SUPT5H: variants seen among roughly 807,000 people sequenced by gnomAD.
The protein encoded by SUPT5H is SPT5 homolog, DSIF elongation factor subunit.
Under a neutral mutation model 142.5 loss-of-function variants are expected in SUPT5H, and 24 were observed. The ratio of observed to expected loss-of-function variants is 0.17; its 90% CI spans 0.12 to 0.24. The LOEUF (loss-of-function observed/expected upper bound fraction) is 0.24, where lower values mean the gene tolerates loss of function less well. Ranked by LOEUF, SUPT5H falls within the 10% of genes least tolerant of loss-of-function variation. The probability of loss-of-function intolerance (pLI) is 1.00; values close to 1 mark genes in which losing one functional copy is unlikely to be tolerated. For synonymous variants in SUPT5H, 546 were observed against 553.0 expected (o/e 0.99, Z 0.18); for missense variants, 893 against 1,471.8 (o/e 0.61, Z 6.43).
intron 3 of SUPT5H, among the ~76,000 whole-genome samples, chr19:39,454,562 G>A (rs1244124702): frequency 1.3e-5 from 2 of 151,306 alleles, no homozygotes; most frequent in African/African-American, 2.4e-5. Context: ...GGATGGTCTC[G>A]AACTCCTGAC....
rs1167478506 is a variant in SUPT5H at position 39,476,270 on chromosome 19, G to T, written c.3135G>T (p.Leu1045=). The change falls in exon 30 of 30, where the codon CTG becomes CTT. Residue 1045 remains leucine (L), a synonymous_variant. Transcript: ENST00000432763. The part of the protein sequence containing the change: ...PTKNNKVKVI[L]GEDREATGVL... Reference sequence around the variant, plus strand: ...CCCACCCCCAGGTGAAAGTGATCCTGGGCGAGGATCGGGAAGCCACGGGCG... The same window carrying T: ...CCCACCCCCAGGTGAAAGTGATCCTTGGCGAGGATCGGGAAGCCACGGGCG... 1.2e-5 allele frequency: 19 copies of T among 1,614,004 alleles called. No homozygotes were observed. Among genetic ancestry groups the T allele is most frequent in the African/African-American group, 2.7e-5 (2 of 74,882 alleles).
At chr19:39,454,225 G>T (rs2079056942) in intron 3 of SUPT5H, among the ~76,000 whole-genome samples, 1 of 152,152 alleles carries the variant, frequency 6.6e-6, no homozygotes, top group Non-Finnish European at 1.5e-5. Flanking sequence ...TCAATTCCAG[G>T]TTACTGAAAA....
In SUPT5H at chr19:39,476,288, C is replaced by T. The variant is rs758693667; in HGVS notation, c.3153C>T (p.Ala1051=). ...VKVILGEDRE[A]TGVLLSIDGE... ...TGATCCTGGGCGAGGATCGGGAAGC[C>T]ACGGGCGTCCTACTGAGCATTGATG... Residue 1051 remains alanine, a synonymous_variant, in exon 30 of 30, where the codon GCC becomes GCT. Transcript: ENST00000432763. 8.7e-6 allele frequency: 14 copies of T among 1,613,974 alleles called. No individual in the cohort carries two copies. The highest frequency in any genetic ancestry group is 7.6e-6 in the Non-Finnish European group (9 of 1,180,028).
intron 3 of SUPT5H, among the ~76,000 whole-genome samples, chr19:39,455,933 T>C (rs1351446828): frequency 6.8e-6 from 1 of 147,940 alleles, no homozygotes; most frequent in Non-Finnish European, 1.5e-5. Flanking sequence ...TTCTTTTTTT[T>C]TTTTTTTTTT....
Position 39,445,637 on chromosome 19 carries a change from G to A in SUPT5H, c.-88G>A, listed in dbSNP as rs945553139. ...CCGAAGGCGGAGGTGGAGCCCGAGA[G>A]GTAAGTGCGTGTGCAGAGGTGGCAG... On this transcript the variant is annotated splice_region_variant and 5_prime_UTR_variant, in exon 1 of 30. Transcript: ENST00000432763. The A allele has an allele frequency of 1.9e-6, 1 of 515,638 alleles. No homozygotes were observed. Among genetic ancestry groups the A allele is most frequent in the African/African-American group, 1.9e-5 (1 of 52,546 alleles). The allele number at this position is 515,638 out of a possible 1,614,324, so 31.9% of individuals were successfully genotyped here.
chr19:39,471,332 C>T (rs999854897), intron 18 of SUPT5H, 25 bp from the exon 19 acceptor site: 16 of 1,613,954 alleles, frequency 9.9e-6, no homozygotes, highest in Middle Eastern at 3.3e-4. Flanking sequence ...CTCACCCCCA[C>T]AGCCTCCCTG....
At chr19:39,456,868 T>G (rs1045551737) in intron 3 of SUPT5H, among the ~76,000 whole-genome samples, 8 of 152,134 alleles carry the variant, frequency 5.3e-5, no homozygotes, top group African/African-American at 1.7e-4. Flanking sequence ...CTTACATGGA[T>G]TTCATATATG....
intron 2 of SUPT5H, among the ~76,000 whole-genome samples, chr19:39,447,501 A>G (rs1335904942): frequency 7.5e-6 from 1 of 133,758 alleles, no homozygotes; most frequent in Non-Finnish European, 1.5e-5. Flanking sequence ...CACAGGTTGG[A>G]GTGCAGTGGC....
chr19:39,468,975 C>T, intron 14 of SUPT5H, 104 bp from the exon 15 acceptor site: 1 of 1,543,014 alleles, frequency 6.5e-7, no homozygotes, highest in Non-Finnish European at 8.9e-7. Flanking sequence ...TAGGAGTGTT[C>T]CCTAGGAGAA....
chr19:39,453,398 G>C lies in SUPT5H; in HGVS notation c.118G>C (p.Glu40Gln), dbSNP rs1163380842. The C allele has an allele frequency of 3.1e-6, 5 of 1,602,584 alleles. No individual in the cohort carries two copies. The highest frequency in any genetic ancestry group is 3.4e-6 in the Non-Finnish European group (4 of 1,174,236). Residue 40 changes from glutamate (E) to glutamine (Q), a missense_variant, in exon 3 of 30, where the codon GAA becomes CAA. Around this residue, in one of 6 missense-constraint regions of SUPT5H, gnomAD observed 70 missense variants for 70.5 expected, o/e 0.99. Transcript: ENST00000432763. ...RRSAAGSEKE[E>Q]EPEDEEEEEE... ...GAGTGCAGCGGGCAGTGAGAAAGAA[G>C]AAGAGCCTGAGGACGAAGAGGAGGA...
At position 39,470,752 on chromosome 19, in the gene SUPT5H, A is replaced by G. The variant is rs748455758; in HGVS notation, c.1677+229A>G. The stretch of plus-strand genomic sequence containing the variant: ...AACGAGAGCAGCGTCTACTTTGTTC[A>G]TAGTGAATGATTCCCTGAGGTTAGA... On this transcript the variant is annotated intron_variant, in intron 18 of 29. Coordinates refer to ENST00000432763, the MANE Select transcript of SUPT5H (RefSeq NM_001111020.3). This position sits in a 1 kb window ranked among gnomAD's most constrained non-coding sequence, Gnocchi z 5.8. 6.6e-6 allele frequency among the ~76,000 whole-genome samples: 1 copy of G among 152,178 alleles called. No homozygotes were observed. The highest frequency in any genetic ancestry group is 1.5e-5 in the Non-Finnish European group (1 of 68,024).
intron 18 of SUPT5H, 143 bp from the exon 19 acceptor site, chr19:39,471,214 G>A (rs2079315081): frequency 2.0e-6 from 2 of 993,992 alleles, no homozygotes; most frequent in African/African-American, 3.2e-5. Flanking sequence ...CTGCCTGCCT[G>A]CCCCGCAGCC....
chr19:39,468,848 C>G lies in SUPT5H; in HGVS notation c.1130C>G (p.Ala377Gly). Residue 377 changes from alanine to glycine, a missense_variant, in exon 14 of 30, where the codon GCC becomes GGC. Coordinates refer to ENST00000432763, the MANE Select transcript of SUPT5H (RefSeq NM_001111020.3). ...SRKGFLFKSF[A>G]MSAVITEGVK... ...AAGGGCTTTCTGTTCAAGAGCTTCG[C>G]CATGTCTGCTGTGGTGAGGGTCCCA... The G allele has an allele frequency of 1.2e-6, 2 of 1,614,084 alleles. No homozygotes were observed. Among genetic ancestry groups the G allele is most frequent in the Non-Finnish European group, 1.7e-6 (2 of 1,179,998 alleles).
rs1360796613 is a variant in SUPT5H, at chr19:39,471,344, T to C, written c.1678-13T>C. 5 of 1,613,930 alleles carry C rather than the reference T, an allele frequency of 3.1e-6. No individual in the cohort carries two copies. In the South Asian group the frequency reaches 5.5e-5, roughly 18 times the overall value. ...ATTCTCACCCCCACAGCCTCCCTGC[T>C]CTCCCTCTGTAGGTGCTGAACATGT... On this transcript the variant is annotated splice_polypyrimidine_tract_variant and intron_variant, in intron 18 of 29. Transcript: ENST00000432763.
At chr19:39,460,005 C>T (rs769967155) in intron 10 of SUPT5H, 45 bp downstream of exon 10, 21 of 1,595,136 alleles carry the variant, frequency 1.3e-5, no homozygotes, top group Non-Finnish European at 1.6e-5. Flanking sequence ...CATGGCAACA[C>T]CCAGAGGGAA....
At chr19:39,459,518 T>A in intron 8 of SUPT5H, 41 bp from the exon 9 acceptor site, 1 of 1,612,454 alleles carries the variant, frequency 6.2e-7, no homozygotes, top group Non-Finnish European at 8.5e-7. Context: ...TTACTGAAGA[T>A]CCAGCTTCAC....
chr19:39,453,571 T>C (rs1600698572), intron 3 of SUPT5H, 50 bp downstream of exon 3: 3 of 1,441,822 alleles, frequency 2.1e-6, no homozygotes, highest in East Asian at 2.5e-5. Flanking sequence ...GCTTCTACTT[T>C]TAGTTCCATT....
Position 39,459,968 on chromosome 19 carries a change from G to C in SUPT5H, c.624+8G>C. ...TACCAGTTCACAGACACGGTAAGTC[G>C]GGTAGACAGGCGGCTTGGTGGGGAG... is the stretch of plus-strand genomic sequence containing the variant. On this transcript the variant is annotated splice_region_variant and intron_variant, in intron 10 of 29. Transcript: ENST00000432763. 1.9e-6 allele frequency: 3 copies of C among 1,614,052 alleles called. No homozygotes were observed. Among genetic ancestry groups the C allele is most frequent in the Non-Finnish European group, 2.5e-6 (3 of 1,180,006 alleles).
At chr19:39,446,770 G>A (rs535259924) in intron 2 of SUPT5H, among the ~76,000 whole-genome samples, 2 of 152,324 alleles carry the variant, frequency 1.3e-5, no homozygotes, top group South Asian at 4.1e-4. Flanking sequence ...CACTGTGGGA[G>A]GCCAAGACAG....
Sources: gnomAD v4.1 joint callset for allele counts (sites outside exome capture counted in the v4.1 genomes callset) on GRCh38, gnomAD v4.1.1 for gene constraint, gnomAD v4.1.1 regional missense constraint, Gnocchi (gnomAD v3.1) non-coding constraint, MANE v1.5 for transcripts, NCBI Gene and HGNC (gene_info 2026-07-23, HGNC 2026-07-21) for gene names.